The following DCHS2 variants were observed in gnomAD, a reference collection of about 807,000 sequenced individuals.
DCHS2 encodes the protein protocadherin-23.
DCHS2 carries 142 observed loss-of-function variants against 182.4 expected under a neutral mutation model. The observed-to-expected ratio is 0.78, with a 90% CI of 0.68 to 0.89. DCHS2 has a LOEUF of 0.89. DCHS2 is among the 40% of genes least tolerant of loss of function. The probability of loss-of-function intolerance (pLI) is 0.00; values close to 1 mark genes in which losing one functional copy is unlikely to be tolerated. For synonymous variants in DCHS2, 1,740 were observed against 1,663.3 expected (o/e 1.05, Z -1.12); for missense variants, 4,319 against 4,198.6 (o/e 1.03, Z -0.79).
intron 1 of DCHS2, among the ~76,000 whole-genome samples, chr4:154,423,666 C>T (rs896086733): frequency 2.6e-5 from 4 of 152,204 alleles, no homozygotes; most frequent in Admixed American, 6.5e-5. Context: ...TATATTGGTA[C>T]ATTGTAGCAA....
intron 18 of DCHS2, 63 bp downstream of exon 18, chr4:154,240,474 T>G: frequency 1.3e-6 from 2 of 1,562,646 alleles, no homozygotes; most frequent in Non-Finnish European, 1.7e-6. Context: ...GATGGAAGAC[T>G]TACATTATTC....
At chr4:154,407,527 T>C (rs1353699873) in intron 1 of DCHS2, among the ~76,000 whole-genome samples, 1 of 152,188 alleles carries the variant, frequency 6.6e-6, no homozygotes, top group East Asian at 1.9e-4. Flanking sequence ...GAAGTCCTAC[T>C]TTTTTCTAAA....
intron 1 of DCHS2, among the ~76,000 whole-genome samples, chr4:154,478,314 C>CTGAGTA (rs140058439): frequency 0.014 from 2,109 of 152,310 alleles, 30 homozygotes; most frequent in African/African-American, 0.035. Context: ...TCTGGTATGA[C>CTGAGTA]TGAGTATACG....
chr4:154,390,323 A>T (rs1450665590), intron 1 of DCHS2, among the ~76,000 whole-genome samples: 1 of 129,326 alleles, frequency 7.7e-6, no homozygotes, highest in East Asian at 2.3e-4. Flanking sequence ...TGTCCATGTG[A>T]TCTCATTGTT....
intron 3 of DCHS2, 34 bp from the exon 4 acceptor site, chr4:154,335,138 T>A (rs2111370875): frequency 3.0e-6 from 4 of 1,321,674 alleles, no homozygotes; most frequent in East Asian, 2.3e-5. Context: ...GGTAAACAGA[T>A]AACATGTAAT....
At chr4:154,369,898 C>A (rs1354796134) in intron 2 of DCHS2, among the ~76,000 whole-genome samples, 1 of 152,154 alleles carries the variant, frequency 6.6e-6, no homozygotes, top group Non-Finnish European at 1.5e-5. Context: ...GCAGGAGGGT[C>A]GCCTAGGGCA....
chr4:154,386,124 CAG>C (rs923852029), intron 1 of DCHS2, among the ~76,000 whole-genome samples: 52 of 152,310 alleles, frequency 3.4e-4, no homozygotes, highest in African/African-American at 1.2e-3. Context: ...TACACACAGT[CAG>C]AGAGATACTG....
At chr4:154,383,761 AG>A (rs1256784827) in intron 1 of DCHS2, among the ~76,000 whole-genome samples, 7 of 150,030 alleles carry the variant, frequency 4.7e-5, no homozygotes, top group Non-Finnish European at 1.0e-4. Context: ...ATGATGTAAC[AG>A]GGTTGGCCAT....
chr4:154,405,076 C>T (rs1732342331), intron 1 of DCHS2, among the ~76,000 whole-genome samples: 1 of 151,806 alleles, frequency 6.6e-6, no homozygotes, highest in Non-Finnish European at 1.5e-5. Context: ...GTGAAACCCC[C>T]TCTCCACTAA....
At chr4:154,275,725 A>G (rs1272571495) in intron 13 of DCHS2, among the ~76,000 whole-genome samples, 3 of 152,194 alleles carry the variant, frequency 2.0e-5, no homozygotes, top group African/African-American at 7.2e-5. Context: ...TGCCAACAAA[A>G]GAAACAATCT....
chr4:154,419,841 G>C (rs1488321107), intron 1 of DCHS2, among the ~76,000 whole-genome samples: 1 of 143,848 alleles, frequency 7.0e-6, no homozygotes, highest in Non-Finnish European at 1.5e-5. Flanking sequence ...AAAAAAGCCA[G>C]AGAAGAACGT....
At chr4:154,396,472 G>C (rs1452882963) in intron 1 of DCHS2, among the ~76,000 whole-genome samples, 2 of 152,078 alleles carry the variant, frequency 1.3e-5, no homozygotes, top group African/African-American at 4.8e-5. Flanking sequence ...AGCTCTAACA[G>C]TACTGATGAT....
chr4:154,279,452 C>G (rs1275079765), intron 13 of DCHS2, among the ~76,000 whole-genome samples: 1 of 151,698 alleles, frequency 6.6e-6, no homozygotes, highest in African/African-American at 2.4e-5. Context: ...TAGGGTTGGC[C>G]ATACTTTTAT....
intron 1 of DCHS2, among the ~76,000 whole-genome samples, chr4:154,422,434 G>C (rs1733149528): frequency 6.6e-6 from 1 of 152,070 alleles, no homozygotes; most frequent in African/African-American, 2.4e-5. Flanking sequence ...CACTCCATCA[G>C]CAAGTTCTAT....
intron 3 of DCHS2, among the ~76,000 whole-genome samples, chr4:154,338,947 A>G (rs536148008): frequency 1.1e-4 from 16 of 152,352 alleles, no homozygotes; most frequent in African/African-American, 3.8e-4. Flanking sequence ...ATAGATATCT[A>G]TAGATCTTAT....
intron 1 of DCHS2, among the ~76,000 whole-genome samples, chr4:154,483,800 C>T (rs761485454): frequency 6.6e-6 from 1 of 152,126 alleles, no homozygotes; most frequent in Non-Finnish European, 1.5e-5. Flanking sequence ...GACCTGCCCC[C>T]CAACATCATA....
intron 1 of DCHS2, among the ~76,000 whole-genome samples, chr4:154,456,325 G>A (rs1458238106): frequency 6.6e-6 from 1 of 152,126 alleles, no homozygotes; most frequent in East Asian, 1.9e-4. Flanking sequence ...CATTTATTGA[G>A]CCTCTTTTAT....
intron 9 of DCHS2, among the ~76,000 whole-genome samples, chr4:154,318,035 A>T (rs1174793667): frequency 6.6e-6 from 1 of 152,164 alleles, no homozygotes; most frequent in African/African-American, 2.4e-5. Context: ...CTGCTACCTG[A>T]TTCACTATTG....
chr4:154,252,708 A>ATTT (rs1356078176), intron 16 of DCHS2, among the ~76,000 whole-genome samples: 1 of 150,398 alleles, frequency 6.6e-6, no homozygotes, highest in African/African-American at 2.4e-5. Flanking sequence ...TATGTATCCC[A>ATTT]TTTTCTTTAT....
Sources: allele counts gnomAD v4.1 joint callset (sites outside exome capture counted in the v4.1 genomes callset), GRCh38; gene constraint gnomAD v4.1.1; transcripts MANE v1.5; gene names NCBI Gene and HGNC (gene_info 2026-07-23, HGNC 2026-07-21).